Variants in TET2 observed in about 807,000 individuals in gnomAD.
TET2 encodes tet methylcytosine dioxygenase 2.
Under a neutral mutation model 142.9 loss-of-function variants are expected in TET2, and 299 were observed. The observed-to-expected ratio is 2.09, with a 90% CI of 1.90 to 2.30. The LOEUF is 2.30. Among genes scored for constraint, TET2 ranks in the 30% most tolerant of loss-of-function variants. TET2 has a pLI of 0.00. For missense variants in TET2, 2,418 were observed against 2,378.0 expected (o/e 1.02, Z -0.35); for synonymous variants, 819 against 849.0 (o/e 0.96, Z 0.61).
rs1197479219 is a variant in TET2, at chr4:105,243,712, C to A, written c.3737C>A (p.Ser1246Ter). 1.9e-6 allele frequency: 3 copies of A among 1,551,528 alleles called. No homozygotes were observed. The highest frequency in any genetic ancestry group is 2.6e-6 in the Non-Finnish European group (3 of 1,146,936). Residue 1246 changes from serine to a stop codon, truncating the protein, a stop_gained, in exon 6 of 11, where the codon TCG becomes TAG. Coordinates refer to ENST00000380013, the MANE Select transcript of TET2 (RefSeq NM_001127208.3). LOFTEE classifies it high-confidence loss of function. ...CTGTCTCTGGCTGACAAACTCTACT[C>A]GGAGCTTACCGAGACGCTGAGGAAA... Reference protein sequence around the residue: ...IPLSLADKLYSELTETLRKYG... With the variant: ...IPLSLADKLY
In TET2 at chr4:105,149,105, G is replaced by A. The variant is rs186313471; in HGVS notation, c.-193+2126G>A. 3.1e-3 allele frequency among the ~76,000 whole-genome samples: 479 copies of A among 152,230 alleles called. 1 individual carries two copies. The highest frequency in any genetic ancestry group is 0.011 in the African/African-American group (453 of 41,554). ...TTAATGCTGTTCATGGTAAACTATC[G>A]AGAAAACTATGGTTAATTATTCCAG... On this transcript the variant is annotated intron_variant, in intron 1 of 10. Transcript: ENST00000380013.
Position 105,204,232 on chromosome 4 carries a change from TATACAC to T in TET2, c.-47+13729_-47+13734del, listed in dbSNP as rs1206814825. ...AAACAAACCAAAAAAAAAAAAAATA[TATACAC>T]ACACACACACACACACACACACACA... On this transcript the variant is annotated intron_variant, in intron 2 of 10. Coordinates refer to ENST00000380013, the MANE Select transcript of TET2 (RefSeq NM_001127208.3). Among the ~76,000 whole-genome samples, 846 of 107,720 alleles carry T rather than the reference TATACAC, an allele frequency of 7.9e-3. 4 individuals carry two copies. Among genetic ancestry groups the T allele is most frequent in the Non-Finnish European group, 0.012 (642 of 52,940 alleles). The allele number at this position is 107,720 out of a possible 152,430, so 70.7% of individuals were successfully genotyped here. A position where few individuals can be genotyped will look rare whatever the true frequency, so the allele number is the denominator to read the frequency against.
chr4:105,208,619 A>G (rs1486180349), intron 2 of TET2, among the ~76,000 whole-genome samples: 1 of 152,130 alleles, frequency 6.6e-6, no homozygotes, highest in Non-Finnish European at 1.5e-5. Context: ...CCAGTCATCA[A>G]AAAGTTGCTG....
Position 105,276,718 on chromosome 4 carries a change from A to T in TET2, c.*199A>T. 1 of 566,840 alleles carries T rather than the reference A, an allele frequency of 1.8e-6. No individual in the cohort carries two copies. Among genetic ancestry groups the T allele is most frequent in the Non-Finnish European group, 3.0e-6 (1 of 336,252 alleles). The allele number at this position is 566,840 out of a possible 1,614,324, so 35.1% of individuals were successfully genotyped here. A position where few individuals can be genotyped will look rare whatever the true frequency, so the allele number is the denominator to read the frequency against. The stretch of plus-strand genomic sequence containing the variant: ...TTCACTGGCTCCCAAGTGGTCACAG[A>T]TGGCATCTAGGAAAAGACCAAAGCA... On this transcript the variant is annotated 3_prime_UTR_variant, in exon 11 of 11. Transcript: ENST00000380013.
intron 2 of TET2, among the ~76,000 whole-genome samples, chr4:105,218,652 G>T (rs1458178379): frequency 6.6e-6 from 1 of 151,900 alleles, no homozygotes. Context: ...ATGTGGGGTG[G>T]TTGTGACTTG....
At chr4:105,243,851 G>A in intron 6 of TET2, 73 bp downstream of exon 6, 1 of 1,377,816 alleles carries the variant, frequency 7.3e-7, no homozygotes, top group Non-Finnish European at 1.0e-6. Context: ...TTGAAAGGAA[G>A]AGAGTTCAGC....
intron 2 of TET2, among the ~76,000 whole-genome samples, chr4:105,231,651 T>C (rs1317725187): frequency 6.6e-6 from 1 of 152,206 alleles, no homozygotes; most frequent in Non-Finnish European, 1.5e-5. Context: ...CTTATTCTAT[T>C]TCATTTTTCT....
intron 6 of TET2, among the ~76,000 whole-genome samples, chr4:105,245,988 A>G (rs1004800893): frequency 6.6e-6 from 1 of 152,136 alleles, no homozygotes; most frequent in Non-Finnish European, 1.5e-5. Context: ...ATAGATCTCT[A>G]ATATTTTTCT....
At chr4:105,240,465 A>C in intron 3 of TET2, 1 of 1,076,720 alleles carries the variant, frequency 9.3e-7, no homozygotes, top group Non-Finnish European at 1.1e-6. Flanking sequence ...AGATTTAGTC[A>C]AAGACATTTG....
intron 3 of TET2, chr4:105,238,641 T>C: frequency 4.1e-6 from 1 of 243,958 alleles, no homozygotes; most frequent in Non-Finnish European, 8.7e-6. Context: ...AGGCTCTACT[T>C]CTAATTCTGG....
chr4:105,156,389 T>C (rs1158252946), intron 1 of TET2, among the ~76,000 whole-genome samples: 1 of 152,194 alleles, frequency 6.6e-6, no homozygotes, highest in Non-Finnish European at 1.5e-5. Context: ...ATACAGAGTA[T>C]TGATATTTTT....
intron 2 of TET2, among the ~76,000 whole-genome samples, chr4:105,210,663 T>C (rs149259902): frequency 2.3e-4 from 35 of 152,330 alleles, no homozygotes; most frequent in Non-Finnish European, 4.3e-4. Context: ...ATCAACCTTT[T>C]AGCTCAAGAC....
At chr4:105,217,647 A>G (rs1727573240) in intron 2 of TET2, among the ~76,000 whole-genome samples, 1 of 152,072 alleles carries the variant, frequency 6.6e-6, no homozygotes, top group African/African-American at 2.4e-5. Context: ...CATTAAAGAA[A>G]GTTTTAAATT....
rs769871345 is a variant in TET2, at chr4:105,236,061, G to A, written c.2119G>A (p.Ala707Thr). The change falls in exon 3 of 11, where the codon GCT becomes ACT. Residue 707 changes from alanine to threonine, a missense_variant. Transcript: ENST00000380013. ...GTTGAAACAGCACTTGAATCAACAG[G>A]CTTCAGAGACTGAGCCATTTTCAAA... is the stretch of plus-strand genomic sequence containing the variant. Reference protein sequence around the residue: ...PVLKQHLNQQASETEPFSNSH... With the variant: ...PVLKQHLNQQTSETEPFSNSH... The A allele has an allele frequency of 6.2e-7, 1 of 1,613,966 alleles. No individual in the cohort carries two copies. Among genetic ancestry groups the A allele is most frequent in the Non-Finnish European group, 8.5e-7 (1 of 1,180,022 alleles).
chr4:105,279,304 G>A lies in TET2; in HGVS notation c.*2785G>A. On this transcript the variant is annotated 3_prime_UTR_variant, in exon 11 of 11. Transcript: ENST00000380013. ...AGTATAGTTTGGGGGGTTGGGGAGA[G>A]TTTACATAAGGAAGAGAAGAAATTG... 1 of 232,012 alleles carries A rather than the reference G, an allele frequency of 4.3e-6. No individual in the cohort carries two copies. Among genetic ancestry groups the A allele is most frequent in the East Asian group, 6.1e-5 (1 of 16,350 alleles). The allele number at this position is 232,012 out of a possible 1,614,324, so 14.4% of individuals were successfully genotyped here.
intron 2 of TET2, among the ~76,000 whole-genome samples, chr4:105,211,895 C>T (rs1727186272): frequency 6.6e-6 from 1 of 152,136 alleles, no homozygotes; most frequent in African/African-American, 2.4e-5. Flanking sequence ...ACACAGTAAA[C>T]AGAAGAATAT....
Position 105,275,331 on chromosome 4 carries a change from A to T in TET2, c.4821A>T (p.Ser1607=). 3 of 1,551,896 alleles carry T rather than the reference A, an allele frequency of 1.9e-6. No homozygotes were observed. The highest frequency in any genetic ancestry group is 2.6e-6 in the Non-Finnish European group (3 of 1,147,032). The change falls in exon 11 of 11, where the codon TCA becomes TCT. Residue 1607 remains serine (S), a synonymous_variant. Coordinates refer to ENST00000380013, the MANE Select transcript of TET2 (RefSeq NM_001127208.3). ...CCACCTCATCTCAAGCTGCAGGTTC[A>T]TATTTGAATTCTTCTAATCCCATGA... is the stretch of plus-strand genomic sequence containing the variant. ...FYSTSSQAAG[S]YLNSSNPMNP... is the part of the protein sequence containing the mutation.
chr4:105,233,853 G>T (rs867450819), intron 2 of TET2, 44 bp from the exon 3 acceptor site: 3 of 828,912 alleles, frequency 3.6e-6, no homozygotes, highest in East Asian at 2.7e-5. Flanking sequence ...TAGATAGATA[G>T]ATAGAAATAA....
chr4:105,247,395 T>C (rs944299514), intron 6 of TET2, among the ~76,000 whole-genome samples: 6 of 152,218 alleles, frequency 3.9e-5, no homozygotes, highest in Non-Finnish European at 8.8e-5. Context: ...CCCTTCCACA[T>C]GATTGACACT....
Sources: gnomAD v4.1 joint callset for allele counts (sites outside exome capture counted in the v4.1 genomes callset) on GRCh38, gnomAD v4.1.1 for gene constraint, MANE v1.5 for transcripts, NCBI Gene and HGNC (gene_info 2026-07-23, HGNC 2026-07-21) for gene names.